GNAO1: variants seen among roughly 807,000 people sequenced by gnomAD.
GNAO1 encodes G protein subunit alpha o1.
For synonymous variants in GNAO1, 164 were observed against 180.7 expected, an observed-to-expected ratio of 0.91 and a Z score of 0.74; for missense variants, 166 against 478.7, an observed-to-expected ratio of 0.35 and a Z score of 6.10.
At chr16:56,211,802 A>G (rs577336775) in intron 2 of GNAO1, among the ~76,000 whole-genome samples, 3 of 152,314 alleles carry the variant, frequency 2.0e-5, no homozygotes, top group Admixed American at 6.5e-5. Context: ...AGCTGGCTGC[A>G]TACAAGGAGA....
chr16:56,271,740 A>G (rs74246242), intron 2 of GNAO1, among the ~76,000 whole-genome samples: 8,439 of 152,326 alleles, frequency 0.055, 246 homozygotes, highest in South Asian at 0.072. Context: ...GGCATGAGCC[A>G]CTGCGTCCGG....
intron 3 of GNAO1, among the ~76,000 whole-genome samples, chr16:56,310,613 A>C (rs1371370585): frequency 6.6e-6 from 1 of 152,140 alleles, no homozygotes; most frequent in Non-Finnish European, 1.5e-5. Flanking sequence ...TGCTCACTGA[A>C]GCATTAGAAG....
chr16:56,353,661 A>T (rs916261508), intron 7 of GNAO1: 2 of 152,442 alleles, frequency 1.3e-5, no homozygotes, highest in Non-Finnish European at 2.9e-5. Flanking sequence ...GCCACCTTCC[A>T]CCCTGGGCTG....
chr16:56,294,901 G>A (rs62039274), intron 3 of GNAO1, among the ~76,000 whole-genome samples: 9 of 152,002 alleles, frequency 5.9e-5, no homozygotes, highest in Middle Eastern at 3.5e-3. Context: ...TGGGCCATGC[G>A]TATATCTTCT....
intron 2 of GNAO1, among the ~76,000 whole-genome samples, chr16:56,214,595 G>T (rs977794500): frequency 2.0e-5 from 3 of 152,160 alleles, no homozygotes; most frequent in African/African-American, 7.2e-5. Context: ...AAATCATGTG[G>T]GTGGCACAAA....
intron 2 of GNAO1, among the ~76,000 whole-genome samples, chr16:56,236,274 T>C (rs1257538342): frequency 2.6e-5 from 4 of 152,274 alleles, no homozygotes; most frequent in Non-Finnish European, 4.4e-5. Context: ...AGTAGATGTG[T>C]TGGAGAAAAG....
chr16:56,313,571 G>T (rs1289007892), intron 3 of GNAO1, among the ~76,000 whole-genome samples: 1 of 152,016 alleles, frequency 6.6e-6, no homozygotes, highest in Non-Finnish European at 1.5e-5. Context: ...GTGATGTGTT[G>T]TTTGGTTGAA....
intron 2 of GNAO1, among the ~76,000 whole-genome samples, chr16:56,249,723 G>T (rs1289080411): frequency 2.6e-5 from 4 of 152,188 alleles, no homozygotes; most frequent in African/African-American, 9.7e-5. Context: ...TCTATTCATT[G>T]TGCCTGCCTC....
chr16:56,291,931 G>A (rs914489249), intron 3 of GNAO1, among the ~76,000 whole-genome samples: 12 of 152,156 alleles, frequency 7.9e-5, no homozygotes, highest in Admixed American at 7.9e-4. Flanking sequence ...GCTTCCCAAA[G>A]GCCCCACCTC....
chr16:56,297,739 G>A (rs144296488), intron 3 of GNAO1, among the ~76,000 whole-genome samples: 2 of 152,274 alleles, frequency 1.3e-5, no homozygotes, highest in African/African-American at 4.8e-5. Flanking sequence ...GCTGGTTGGA[G>A]TACTTTTTCC....
At chr16:56,257,811 A>G (rs1489520100) in intron 2 of GNAO1, among the ~76,000 whole-genome samples, 2 of 152,238 alleles carry the variant, frequency 1.3e-5, no homozygotes, top group Admixed American at 6.5e-5. Flanking sequence ...CCTAATGCCA[A>G]CAGGGCCAGC....
At chr16:56,339,300 C>G (rs1166185104) in intron 6 of GNAO1, among the ~76,000 whole-genome samples, 7 of 152,372 alleles carry the variant, frequency 4.6e-5, no homozygotes, top group African/African-American at 1.7e-4. Flanking sequence ...CCTGCACCTC[C>G]TCCTCTGTAG....
intron 2 of GNAO1, among the ~76,000 whole-genome samples, chr16:56,240,246 G>A (rs1379246595): frequency 6.6e-6 from 1 of 152,058 alleles, no homozygotes; most frequent in African/African-American, 2.4e-5. Context: ...GGAGTGGTTA[G>A]AGGCAGGCTC....
At chr16:56,232,745 G>T (rs1264187797) in intron 2 of GNAO1, among the ~76,000 whole-genome samples, 1 of 151,932 alleles carries the variant, frequency 6.6e-6, no homozygotes, top group African/African-American at 2.4e-5. Flanking sequence ...AAAATACGTT[G>T]GAAAAAAAAC....
At chr16:56,210,588 C>G (rs2036376877) in intron 2 of GNAO1, among the ~76,000 whole-genome samples, 1 of 152,162 alleles carries the variant, frequency 6.6e-6, no homozygotes, top group Non-Finnish European at 1.5e-5. Flanking sequence ...TTGGTGTTGT[C>G]CGTTTTTGGA....
At position 56,326,687 on chromosome 16, in the gene GNAO1, T is replaced by C. The variant is rs2037635541; in HGVS notation, c.304-1944T>C. Among the ~76,000 whole-genome samples the C allele has an allele frequency of 6.6e-6, 1 of 152,166 alleles. No individual in the cohort carries two copies. Among genetic ancestry groups the C allele is most frequent in the Admixed American group, 6.5e-5 (1 of 15,280 alleles). ...CAAGGAAGCCGGGTTATTTGCCCATTCCTGTCTGTCCGGGGCACCGACTCA... is the reference window on the plus strand; with the variant it reads ...CAAGGAAGCCGGGTTATTTGCCCATCCCTGTCTGTCCGGGGCACCGACTCA... On this transcript the variant is annotated intron_variant, in intron 3 of 8. Coordinates refer to ENST00000262493, the MANE Select transcript of GNAO1 (RefSeq NM_020988.3). The surrounding 1 kb of genome is among the most constrained non-coding windows in gnomAD (Gnocchi z 4.8).
chr16:56,297,335 C>T (rs2037296817), intron 3 of GNAO1, among the ~76,000 whole-genome samples: 1 of 152,138 alleles, frequency 6.6e-6, no homozygotes, highest in Admixed American at 6.5e-5. Context: ...CCACCTTGAC[C>T]CCCGGTTGCA....
At chr16:56,241,680 G>T (rs1244403890) in intron 2 of GNAO1, among the ~76,000 whole-genome samples, 1 of 152,148 alleles carries the variant, frequency 6.6e-6, no homozygotes, top group African/African-American at 2.4e-5. Context: ...AATGGTATAG[G>T]CTATGGCCAA....
rs541611513 is a variant in GNAO1, at chr16:56,241,024, G to A, written c.162-34907G>A. On this transcript the variant is annotated intron_variant, in intron 2 of 8. Transcript: ENST00000262493. ...ACCGTCCAGCTCTCTCTAGGGCTCCGTACTCTCTGTGTACATGGTGGCCCA... is the reference window on the plus strand; with the variant it reads ...ACCGTCCAGCTCTCTCTAGGGCTCCATACTCTCTGTGTACATGGTGGCCCA... 2.6e-4 allele frequency among the ~76,000 whole-genome samples: 40 copies of A among 152,284 alleles called. 1 individual carries two copies. Among genetic ancestry groups the A allele is most frequent in the Admixed American group, 1.8e-3 (28 of 15,304 alleles).
Sources: gnomAD v4.1 joint callset for allele counts (sites outside exome capture counted in the v4.1 genomes callset) on GRCh38, gnomAD v4.1.1 for gene constraint, Gnocchi (gnomAD v3.1) non-coding constraint, MANE v1.5 for transcripts, NCBI Gene and HGNC (gene_info 2026-07-23, HGNC 2026-07-21) for gene names.